RBM25: variants seen among roughly 807,000 people sequenced by gnomAD.
RBM25 encodes RNA binding motif protein 25.
In RBM25, 19 loss-of-function variants were observed where a neutral mutation model predicts 120.7. That is an observed-to-expected ratio of 0.16 (90% CI 0.11 to 0.23). The LOEUF (loss-of-function observed/expected upper bound fraction) is 0.23, where lower values mean the gene tolerates loss of function less well. Among genes scored for constraint, RBM25 ranks in the 10% least tolerant of loss-of-function variants. RBM25 has a pLI of 1.00. For synonymous variants in RBM25, 390 were observed against 326.7 expected, an observed-to-expected ratio of 1.19 and a Z score of -2.09; for missense variants, 605 against 1,041.5, an observed-to-expected ratio of 0.58 and a Z score of 5.77.
intron 4 of RBM25, among the ~76,000 whole-genome samples, chr14:73,078,615 T>C (rs749047006): frequency 2.8e-4 from 42 of 152,232 alleles, no homozygotes; most frequent in Admixed American, 5.9e-4. Flanking sequence ...GAAAGATTTT[T>C]ATTTACTTTT....
At position 73,105,429 on chromosome 14, in the gene RBM25, A is replaced by G. The variant is rs182294620; in HGVS notation, c.1155-430A>G. On this transcript the variant is annotated intron_variant, in intron 10 of 18. Transcript: ENST00000261973. The stretch of plus-strand genomic sequence containing the variant: ...AATTCTGTTTTCCACATGTGCCAGC[A>G]CTTACTCCTTGATCTCTAGTAAGCT... Among the ~76,000 whole-genome samples, 378 of 152,302 alleles carry G rather than the reference A, an allele frequency of 2.5e-3. 2 individuals are homozygous for G. Among genetic ancestry groups the G allele is most frequent in the African/African-American group, 7.8e-3 (326 of 41,576 alleles).
chr14:73,104,205 C>G (rs1249080200), intron 10 of RBM25, among the ~76,000 whole-genome samples: 1 of 151,894 alleles, frequency 6.6e-6, no homozygotes, highest in African/African-American at 2.4e-5. Context: ...GCTCTAGCAC[C>G]ACGTCTTTTT....
rs1895952450 is a variant in RBM25 at position 73,096,904 on chromosome 14, TTTTG to T, written c.544-7_544-4del. The T allele has an allele frequency of 1.9e-6, 3 of 1,605,596 alleles. No individual in the cohort carries two copies. The highest frequency in any genetic ancestry group is 2.5e-6 in the Non-Finnish European group (3 of 1,178,228). Reference sequence around the variant, plus strand: ...ATTTTTCTTTCCCCTGAATTTGCTGTTTTGTTTAAGAATGCAAGGCCAGAAACTG... The same window carrying T: ...ATTTTTCTTTCCCCTGAATTTGCTGTTTTAAGAATGCAAGGCCAGAAACTG... On this transcript the variant is annotated splice_region_variant and splice_polypyrimidine_tract_variant and intron_variant, in intron 6 of 18. Transcript: ENST00000261973.
chr14:73,091,624 C>A (rs1378244231), intron 6 of RBM25, among the ~76,000 whole-genome samples: 1 of 152,076 alleles, frequency 6.6e-6, no homozygotes, highest in Non-Finnish European at 1.5e-5. Context: ...GTAATCCCAA[C>A]ACTTTGGGAG....
chr14:73,080,733 GATA>G (rs1465262121), intron 4 of RBM25, among the ~76,000 whole-genome samples: 1 of 151,958 alleles, frequency 6.6e-6, no homozygotes, highest in East Asian at 1.9e-4. Context: ...TGGCGAACTT[GATA>G]ATAAGTATTA....
chr14:73,079,723 T>G (rs1314884459), intron 4 of RBM25, among the ~76,000 whole-genome samples: 1 of 150,880 alleles, frequency 6.6e-6, no homozygotes, highest in East Asian at 1.9e-4. Context: ...CCTGTTCTTT[T>G]AGAAGACTGG....
At chr14:73,110,723 C>G in intron 14 of RBM25, 108 bp from the exon 15 acceptor site, 1 of 1,358,630 alleles carries the variant, frequency 7.4e-7, no homozygotes, top group African/African-American at 1.5e-5. Flanking sequence ...GCCACCATAC[C>G]TGGCCTTTTC....
At chr14:73,100,936 C>G (rs1896043406) in intron 9 of RBM25, 2 of 152,158 alleles carry the variant, frequency 1.3e-5, no homozygotes, top group South Asian at 4.1e-4. Flanking sequence ...ACCGAGTAAG[C>G]TTAAAAATGG....
At chr14:73,110,732 T>C in intron 14 of RBM25, 99 bp from the exon 15 acceptor site, 4 of 1,439,696 alleles carry the variant, frequency 2.8e-6, no homozygotes, top group Non-Finnish European at 3.7e-6. Context: ...CCTGGCCTTT[T>C]CTCTTTTCAT....
At chr14:73,070,240 G>C (rs1895250936) in intron 1 of RBM25, among the ~76,000 whole-genome samples, 1 of 151,728 alleles carries the variant, frequency 6.6e-6, no homozygotes, top group Non-Finnish European at 1.5e-5. Flanking sequence ...TTGTTTTAGT[G>C]GGGACGGGGT....
chr14:73,070,156 T>G (rs1463860087), intron 1 of RBM25, among the ~76,000 whole-genome samples: 1 of 151,846 alleles, frequency 6.6e-6, no homozygotes, highest in African/African-American at 2.4e-5. Flanking sequence ...CAAGTGATTC[T>G]CCTGCCTCAG....
chr14:73,099,980 T>C, intron 9 of RBM25: 1 of 550,494 alleles, frequency 1.8e-6, no homozygotes, highest in Admixed American at 3.9e-5. Flanking sequence ...GTCATCTCAC[T>C]TTAATATGAA....
At position 73,079,805 on chromosome 14, in the gene RBM25, T is replaced by C. The variant is rs775442881; in HGVS notation, c.324+2269T>C. Among the ~76,000 whole-genome samples the C allele has an allele frequency of 6.6e-5, 10 of 150,708 alleles. 1 individual carries two copies. Among genetic ancestry groups the C allele is most frequent in the Non-Finnish European group, 1.2e-4 (8 of 67,178 alleles). ...TTTGGGTTTCTCAGTTTTGTTTTCTTCTATTACTTCCATGGGATTTTTGGT... is the reference window on the plus strand; with the variant it reads ...TTTGGGTTTCTCAGTTTTGTTTTCTCCTATTACTTCCATGGGATTTTTGGT... On this transcript the variant is annotated intron_variant, in intron 4 of 18. Coordinates refer to ENST00000261973, the MANE Select transcript of RBM25 (RefSeq NM_021239.3).
Position 73,103,302 on chromosome 14 carries a change from A to G in RBM25, c.978A>G (p.Glu326=). Residue 326 remains glutamate, a synonymous_variant, in exon 10 of 19, where the codon GAA becomes GAG. Transcript: ENST00000261973. ...GGGAACGAGAAAGGCGAGAACGGGA[A>G]CGAGAAAGGGAAAGAGAACGTGAAC... The part of the protein sequence containing the change: ...RERERERRER[E]RERERERERE... The G allele has an allele frequency of 6.3e-7, 1 of 1,583,546 alleles. No homozygotes were observed. Among genetic ancestry groups the G allele is most frequent in the Non-Finnish European group, 8.6e-7 (1 of 1,163,398 alleles).
At chr14:73,068,489 A>AGT (rs1182625126) in intron 1 of RBM25, 8 of 894,132 alleles carry the variant, frequency 8.9e-6, no homozygotes, top group Non-Finnish European at 1.4e-5. Context: ...ACGTATTGTC[A>AGT]GTGTGCCGCA....
At chr14:73,068,628 C>T (rs1895200722) in intron 1 of RBM25, 1 of 433,850 alleles carries the variant, frequency 2.3e-6, no homozygotes, top group Non-Finnish European at 4.4e-6. Flanking sequence ...TTACCACATC[C>T]CAAGCTCTCT....
chr14:73,082,908 A>T (rs1003840538), intron 4 of RBM25, among the ~76,000 whole-genome samples: 4 of 97,262 alleles, frequency 4.1e-5, no homozygotes, highest in Non-Finnish European at 9.2e-5. Flanking sequence ...AAAAATAAAT[A>T]AAAAAAAAAA....
At chr14:73,114,386 G>T (rs953286337) in intron 18 of RBM25, 53 bp downstream of exon 18, 78 of 1,364,708 alleles carry the variant, frequency 5.7e-5, no homozygotes, top group African/African-American at 1.9e-4. Context: ...AAAGTTTTTG[G>T]TTTTTTTTGT....
chr14:73,090,416 TC>T (rs1441709644), intron 6 of RBM25, among the ~76,000 whole-genome samples: 5 of 152,064 alleles, frequency 3.3e-5, no homozygotes, highest in African/African-American at 4.8e-5. Context: ...GCTTCCGTCT[TC>T]CCTCCCCTGC....
Sources: allele counts gnomAD v4.1 joint callset (sites outside exome capture counted in the v4.1 genomes callset), GRCh38; gene constraint gnomAD v4.1.1; transcripts MANE v1.5; gene names NCBI Gene and HGNC (gene_info 2026-07-23, HGNC 2026-07-21).